The following LTBP1 variants were observed in gnomAD, a reference collection of about 807,000 sequenced individuals.
LTBP1 encodes latent-transforming growth factor beta-binding protein 1.
Under a neutral mutation model 207.6 loss-of-function variants are expected in LTBP1, and 129 were observed. The ratio of observed to expected loss-of-function variants is 0.62; its 90% CI spans 0.54 to 0.72. The LOEUF (loss-of-function observed/expected upper bound fraction) is 0.72, where lower values mean the gene tolerates loss of function less well. Ranked by LOEUF, LTBP1 falls within the 30% of genes least tolerant of loss-of-function variation. LTBP1 has a pLI of 0.00. For missense variants in LTBP1, 2,281 were observed against 2,217.2 expected, an observed-to-expected ratio of 1.03 and a Z score of -0.58; for synonymous variants, 963 against 833.7, an observed-to-expected ratio of 1.16 and a Z score of -2.67.
intron 2 of LTBP1, among the ~76,000 whole-genome samples, chr2:33,013,304 T>G (rs753280224): frequency 6.6e-6 from 1 of 152,164 alleles, no homozygotes; most frequent in Admixed American, 6.5e-5. Context: ...TCATCTCTTT[T>G]GATGACTTTG....
intron 26 of LTBP1, among the ~76,000 whole-genome samples, chr2:33,353,037 G>A (rs536336147): frequency 3.4e-4 from 49 of 143,044 alleles, no homozygotes; most frequent in Non-Finnish European, 5.2e-4. Flanking sequence ...GGAGTGCAGT[G>A]GTGTGATCTT....
chr2:33,116,198 C>A (rs1014482575), intron 4 of LTBP1, among the ~76,000 whole-genome samples: 3 of 152,176 alleles, frequency 2.0e-5, no homozygotes, highest in African/African-American at 7.2e-5. Context: ...CATTTGCCTC[C>A]TTAGTCCCTT....
At chr2:33,151,243 T>C (rs1407773459) in intron 5 of LTBP1, among the ~76,000 whole-genome samples, 1 of 152,198 alleles carries the variant, frequency 6.6e-6, no homozygotes, top group African/African-American at 2.4e-5. Flanking sequence ...AGTTCCTGCT[T>C]TGAATTTTTT....
chr2:33,352,970 CTTTTT>C lies in LTBP1; in HGVS notation c.4000+5482_4000+5486del, dbSNP rs61357622. On this transcript the variant is annotated intron_variant, in intron 26 of 33. Coordinates refer to ENST00000404816, the MANE Select transcript of LTBP1 (RefSeq NM_206943.4). Reference sequence around the variant, plus strand: ...TGTGCCCTCCCCCTTGTAAGCCTTTCTTTTTTTTTTTTTTTTTTTTTTTTTTGAGA... The same window carrying C: ...TGTGCCCTCCCCCTTGTAAGCCTTTCTTTTTTTTTTTTTTTTTTTTTGAGA... Among the ~76,000 whole-genome samples, 10 of 93,218 alleles carry C rather than the reference CTTTTT, an allele frequency of 1.1e-4. No individual in the cohort carries two copies. The East Asian group carries it at 1.6e-3, about 15-fold the overall frequency. The allele number at this position is 93,218 out of a possible 152,430, so 61.2% of individuals were successfully genotyped here. A position where few individuals can be genotyped will look rare whatever the true frequency, so the allele number is the denominator to read the frequency against.
chr2:33,210,931 A>G (rs2090263371), intron 7 of LTBP1, among the ~76,000 whole-genome samples: 1 of 152,148 alleles, frequency 6.6e-6, no homozygotes, highest in African/African-American at 2.4e-5. Flanking sequence ...GTTTTATTTC[A>G]TGTTTTCCCT....
intron 4 of LTBP1, among the ~76,000 whole-genome samples, chr2:33,125,031 A>G (rs527309051): frequency 1.3e-5 from 2 of 152,366 alleles, no homozygotes; most frequent in East Asian, 3.9e-4. Flanking sequence ...AAGTCTATAT[A>G]AGATATCTCG....
intron 5 of LTBP1, among the ~76,000 whole-genome samples, chr2:33,163,151 G>A (rs552981154): frequency 1.3e-5 from 2 of 152,222 alleles, no homozygotes; most frequent in East Asian, 3.9e-4. Flanking sequence ...CTGGCTAATT[G>A]TATTTTTTAT....
chr2:33,074,485 C>T (rs1243482040), intron 3 of LTBP1, among the ~76,000 whole-genome samples: 1 of 152,168 alleles, frequency 6.6e-6, no homozygotes, highest in Non-Finnish European at 1.5e-5. Flanking sequence ...GCCTGTAACC[C>T]CAGCACTTTG....
In LTBP1 at chr2:33,280,042, T is replaced by C. The variant is rs1182844516; in HGVS notation, c.2996T>C (p.Ile999Thr). 1.9e-6 allele frequency: 3 copies of C among 1,613,486 alleles called. No homozygotes were observed. Among genetic ancestry groups the C allele is most frequent in the South Asian group, 1.1e-5 (1 of 90,852 alleles). The change falls in exon 19 of 34, where the codon ATT becomes ACT. Residue 999 changes from isoleucine (I) to threonine (T), a missense_variant. Ile to Thr is a moderately conservative substitution (Grantham distance 89). This residue lies in a region of LTBP1 where 1,671 missense variants were observed against 1,634.8 expected (regional missense o/e 1.02). Coordinates refer to ENST00000404816, the MANE Select transcript of LTBP1 (RefSeq NM_206943.4). Reference protein sequence around the residue: ...RMTQRGRCEDIDECLNPSTCP... With the variant: ...RMTQRGRCEDTDECLNPSTCP... ...ACCTAGGTTTTTGATTTTTCAGATA[T>C]TGATGAATGTTTGAATCCAAGCACT...
chr2:33,298,909 G>A (rs2093931751), intron 20 of LTBP1, among the ~76,000 whole-genome samples: 1 of 152,172 alleles, frequency 6.6e-6, no homozygotes, highest in African/African-American at 2.4e-5. Flanking sequence ...AACTATTTCA[G>A]GGAGGGATAA....
At chr2:33,256,646 A>C (rs1369359143) in intron 11 of LTBP1, among the ~76,000 whole-genome samples, 1 of 148,700 alleles carries the variant, frequency 6.7e-6, no homozygotes, top group Non-Finnish European at 1.5e-5. Flanking sequence ...TATATATAAA[A>C]TATCTCCTAA....
intron 7 of LTBP1, among the ~76,000 whole-genome samples, chr2:33,195,038 A>G (rs958285524): frequency 1.3e-5 from 2 of 152,242 alleles, no homozygotes; most frequent in South Asian, 2.1e-4. Flanking sequence ...TAAGACCACT[A>G]TTGAGAACTG....
intron 24 of LTBP1, 88 bp downstream of exon 24, chr2:33,315,357 G>A (rs539264172): frequency 6.6e-7 from 1 of 1,516,680 alleles, no homozygotes; most frequent in African/African-American, 1.4e-5. Context: ...AAGACACTAA[G>A]AGGTACTGCA....
intron 2 of LTBP1, among the ~76,000 whole-genome samples, chr2:33,011,454 G>A (rs1030774805): frequency 6.6e-6 from 1 of 151,986 alleles, no homozygotes; most frequent in Non-Finnish European, 1.5e-5. Flanking sequence ...CATTAGTGTG[G>A]GCCTTAATCC....
At chr2:33,343,627 T>C (rs1314865984) in intron 25 of LTBP1, among the ~76,000 whole-genome samples, 1 of 152,176 alleles carries the variant, frequency 6.6e-6, no homozygotes, top group East Asian at 1.9e-4. Context: ...GACAGTGCGT[T>C]TAAGGCAAAG....
intron 8 of LTBP1, among the ~76,000 whole-genome samples, chr2:33,219,276 T>G (rs1338465589): frequency 6.6e-6 from 1 of 152,208 alleles, no homozygotes; most frequent in Non-Finnish European, 1.5e-5. Context: ...TGTTCTAAGC[T>G]GATTCGATGA....
At chr2:33,058,353 AC>A (rs2077107890) in intron 3 of LTBP1, among the ~76,000 whole-genome samples, 1 of 152,182 alleles carries the variant, frequency 6.6e-6, no homozygotes, top group Non-Finnish European at 1.5e-5. Flanking sequence ...TTAGAAGTCT[AC>A]CACCCCACCT....
chr2:33,192,044 G>A (rs1280811828), intron 7 of LTBP1, among the ~76,000 whole-genome samples: 3 of 152,138 alleles, frequency 2.0e-5, no homozygotes, highest in Non-Finnish European at 2.9e-5. Flanking sequence ...GATGATTGAT[G>A]AGGAAACCAA....
At chr2:32,954,547 C>CT (rs1677734601) in intron 2 of LTBP1, among the ~76,000 whole-genome samples, 1 of 104,906 alleles carries the variant, frequency 9.5e-6, no homozygotes, top group African/African-American at 3.4e-5. Context: ...CTCCACTCCC[C>CT]GCCCCCCCCC....
Sources: allele counts gnomAD v4.1 joint callset (sites outside exome capture counted in the v4.1 genomes callset), GRCh38; gene constraint gnomAD v4.1.1; regional missense constraint gnomAD v4.1.1; transcripts MANE v1.5; gene names NCBI Gene and HGNC (gene_info 2026-07-23, HGNC 2026-07-21).